The following COL23A1 variants were observed in gnomAD, a reference collection of about 807,000 sequenced individuals.
COL23A1 encodes the protein collagen type XXIII alpha 1 chain, also known as collagen alpha-1(XXIII) chain.
Under a neutral mutation model 99.3 loss-of-function variants are expected in COL23A1, and 97 were observed. That is an observed-to-expected ratio of 0.98 (90% CI 0.83 to 1.16). The LOEUF (loss-of-function observed/expected upper bound fraction) is 1.16. Ranked by LOEUF, COL23A1 falls within the 50% of genes most tolerant of loss-of-function variation. COL23A1 has a pLI of 0.00. For synonymous variants in COL23A1, 320 were observed against 308.2 expected (o/e 1.04, Z -0.40); for missense variants, 762 against 757.4 (o/e 1.01, Z -0.07).
intron 2 of COL23A1, among the ~76,000 whole-genome samples, chr5:178,536,163 T>G (rs916535309): frequency 1.3e-5 from 2 of 152,274 alleles, no homozygotes; most frequent in African/African-American, 4.8e-5. Context: ...AACAATTCAC[T>G]GCCATTCCCA....
In COL23A1 at chr5:178,462,564, CA is replaced by C. The variant is rs1024519019; in HGVS notation, c.361+98117del. The stretch of plus-strand genomic sequence containing the variant: ...TAAATCACCCCCATTGAGTAATCCC[CA>C]AATTACTATTGTTGTGCTATTCAGT... On this transcript the variant is annotated intron_variant, in intron 2 of 28. Transcript: ENST00000390654. Among the ~76,000 whole-genome samples, 16 of 152,222 alleles carry C rather than the reference CA, an allele frequency of 1.1e-4. No homozygotes were observed. In the East Asian group the frequency reaches 2.3e-3, roughly 22 times the overall value.
At chr5:178,515,778 C>T (rs530215225) in intron 2 of COL23A1, among the ~76,000 whole-genome samples, 24 of 152,264 alleles carry the variant, frequency 1.6e-4, no homozygotes, top group Non-Finnish European at 3.1e-4. Flanking sequence ...CATCGTGCCC[C>T]TTTCCTCCAC....
intron 28 of COL23A1, among the ~76,000 whole-genome samples, 186 bp downstream of exon 28, chr5:178,238,955 C>G (rs1764249800): frequency 6.6e-6 from 1 of 152,216 alleles, no homozygotes; most frequent in Non-Finnish European, 1.5e-5. Context: ...CAGCCCCACG[C>G]CTCACATGCA....
chr5:178,306,310 G>A lies in COL23A1; in HGVS notation c.406+565C>T, dbSNP rs1411300261. Among the ~76,000 whole-genome samples the A allele has an allele frequency of 3.9e-5, 1 of 25,436 alleles. No individual in the cohort carries two copies. The highest frequency in any genetic ancestry group is 3.0e-4 in the Admixed American group (1 of 3,362). 16.7% of individuals were successfully genotyped at this position (25,436 alleles called of 152,430 possible). ...CTTTAGCTAAGACGATGTCAGAGGG[G>A]CTTAGGGAAGTCCCTGGGCGAAGGG... On this transcript the variant is annotated intron_variant, in intron 3 of 28. Transcript: ENST00000390654. This position sits in a 1 kb window ranked among gnomAD's most constrained non-coding sequence, Gnocchi z 4.1.
At chr5:178,304,168 C>T (rs927063848) in intron 3 of COL23A1, among the ~76,000 whole-genome samples, 4 of 152,062 alleles carry the variant, frequency 2.6e-5, no homozygotes, top group East Asian at 1.9e-4. Context: ...AGGCCTGCAG[C>T]GGCCTCAGGG....
chr5:178,479,641 G>C (rs930079171), intron 2 of COL23A1, among the ~76,000 whole-genome samples: 6 of 152,170 alleles, frequency 3.9e-5, no homozygotes, highest in Admixed American at 2.0e-4. Context: ...TGTGAATTGG[G>C]GTTGAAATTC....
chr5:178,523,907 A>C (rs1760162909), intron 2 of COL23A1, among the ~76,000 whole-genome samples: 1 of 152,120 alleles, frequency 6.6e-6, no homozygotes, highest in African/African-American at 2.4e-5. Context: ...CACGGCTGTC[A>C]CTCACTGCAA....
rs78342272 is a variant in COL23A1, at chr5:178,585,493, A to T, written c.294+4411T>A. 6.0e-3 allele frequency among the ~76,000 whole-genome samples: 228 copies of T among 37,806 alleles called. 1 individual carries two copies. Among genetic ancestry groups the T allele is most frequent in the Middle Eastern group, 0.025 (1 of 40 alleles). 24.8% of individuals were successfully genotyped at this position (37,806 alleles called of 152,430 possible). ...TGGGGGTAACACTCCACAGCCCTGG[A>T]TGACGCTGGAGTAACACTCCACGTC... is the stretch of plus-strand genomic sequence containing the variant. On this transcript the variant is annotated intron_variant, in intron 1 of 28. Coordinates refer to ENST00000390654, the MANE Select transcript of COL23A1 (RefSeq NM_173465.4).
chr5:178,301,851 G>C (rs1451568679), intron 3 of COL23A1, among the ~76,000 whole-genome samples: 2 of 149,302 alleles, frequency 1.3e-5, no homozygotes, highest in Admixed American at 6.7e-5. Context: ...CCGGAGCACA[G>C]CTTCAATGCT....
Position 178,531,579 on chromosome 5 carries a change from C to T in COL23A1, c.361+29103G>A, listed in dbSNP as rs568980926. On this transcript the variant is annotated intron_variant, in intron 2 of 28. Coordinates refer to ENST00000390654, the MANE Select transcript of COL23A1 (RefSeq NM_173465.4). Reference sequence around the variant, plus strand: ...ATTATCATCCTGCAAGAAGATAATCCCCCCGTGTTTAAGTTAGGGATTCTG... The same window carrying T: ...ATTATCATCCTGCAAGAAGATAATCTCCCCGTGTTTAAGTTAGGGATTCTG... Among the ~76,000 whole-genome samples, 5 of 152,298 alleles carry T rather than the reference C, an allele frequency of 3.3e-5. No homozygotes were observed. The East Asian group carries it at 9.6e-4, about 29-fold the overall frequency.
At chr5:178,441,346 G>A (rs1029850683) in intron 2 of COL23A1, among the ~76,000 whole-genome samples, 12 of 152,290 alleles carry the variant, frequency 7.9e-5, no homozygotes, top group African/African-American at 2.9e-4. Context: ...TTTTTAGAGT[G>A]AAGATATATA....
Position 178,306,396 on chromosome 5 carries a change from A to C in COL23A1, c.406+479T>G, listed in dbSNP as rs1758354985. On this transcript the variant is annotated intron_variant, in intron 3 of 28. Transcript: ENST00000390654. The surrounding 1 kb of genome is among the most constrained non-coding windows in gnomAD (Gnocchi z 4.1). ...GGTGAAGCAGAGACAGCAGGAAGGA[A>C]GGGTGGTGAATACAGGTGCCTCTGT... is the stretch of plus-strand genomic sequence containing the variant. 6.6e-6 allele frequency among the ~76,000 whole-genome samples: 1 copy of C among 151,596 alleles called. No homozygotes were observed. The highest frequency in any genetic ancestry group is 1.5e-5 in the Non-Finnish European group (1 of 67,882).
chr5:178,526,782 C>T (rs992750767), intron 2 of COL23A1, among the ~76,000 whole-genome samples: 1 of 152,192 alleles, frequency 6.6e-6, no homozygotes, highest in African/African-American at 2.4e-5. Context: ...CCAGTGTTCC[C>T]TCAGCCTCAC....
chr5:178,333,918 G>A (rs115972800), intron 2 of COL23A1, among the ~76,000 whole-genome samples: 61 of 152,254 alleles, frequency 4.0e-4, no homozygotes, highest in African/African-American at 1.3e-3. Flanking sequence ...GTAGCCAAGG[G>A]GCAGCTGGAC....
At chr5:178,585,390 C>T (rs544693603) in intron 1 of COL23A1, among the ~76,000 whole-genome samples, 11 of 150,378 alleles carry the variant, frequency 7.3e-5, no homozygotes, top group Admixed American at 2.0e-4. Context: ...TAACACTCCG[C>T]GGCCCTGACT....
intron 2 of COL23A1, among the ~76,000 whole-genome samples, chr5:178,536,958 T>G (rs571507590): frequency 2.0e-5 from 3 of 152,268 alleles, no homozygotes; most frequent in Admixed American, 2.0e-4. Flanking sequence ...GCCATTAGGA[T>G]CTGACCCTGC....
At position 178,568,873 on chromosome 5, in the gene COL23A1, G is replaced by A. The variant is rs184525875; in HGVS notation, c.295-8125C>T. Among the ~76,000 whole-genome samples the A allele has an allele frequency of 1.8e-3, 268 of 152,290 alleles. 1 individual carries two copies. Among genetic ancestry groups the A allele is most frequent in the African/African-American group, 6.0e-3 (248 of 41,566 alleles). ...TTTCCACCTTTTGGCTGTTGTGTAC[G>A]GCGCTGCTGTGAACATGAGTCTACT... On this transcript the variant is annotated intron_variant, in intron 1 of 28. Transcript: ENST00000390654.
chr5:178,512,440 G>A, intron 2 of COL23A1, among the ~76,000 whole-genome samples: 1 of 152,180 alleles, frequency 6.6e-6, no homozygotes, highest in East Asian at 1.9e-4. Context: ...TATCCCGGGT[G>A]TCCACCCTGT....
rs962005410 is a variant in COL23A1 at position 178,589,792 on chromosome 5, C to G, written c.294+112G>C. On this transcript the variant is annotated intron_variant, in intron 1 of 28. Coordinates refer to ENST00000390654, the MANE Select transcript of COL23A1 (RefSeq NM_173465.4). The surrounding 1 kb of genome is among the most constrained non-coding windows in gnomAD (Gnocchi z 5.4). ...TGGGACGGCCCCGAGCGCACGCAGC[C>G]GGCGGGCGACCCTCCTCCCAGAGAC... 1 of 1,056,950 alleles carries G rather than the reference C, an allele frequency of 9.5e-7. No homozygotes were observed. Among genetic ancestry groups the G allele is most frequent in the African/African-American group, 1.7e-5 (1 of 59,950 alleles). The allele number at this position is 1,056,950 out of a possible 1,614,324, so 65.5% of individuals were successfully genotyped here.
Sources: gnomAD v4.1 joint callset for allele counts (sites outside exome capture counted in the v4.1 genomes callset) on GRCh38, gnomAD v4.1.1 for gene constraint, Gnocchi (gnomAD v3.1) non-coding constraint, MANE v1.5 for transcripts, NCBI Gene and HGNC (gene_info 2026-07-23, HGNC 2026-07-21) for gene names.